Variants in SPINK9 observed in about 807,000 individuals in gnomAD.
The protein encoded by SPINK9 is serine protease inhibitor Kazal-type 9.
In SPINK9, 3 loss-of-function variants were observed where a neutral mutation model predicts 10.8. That is an observed-to-expected ratio of 0.28 (90% CI 0.13 to 0.72). SPINK9 has a LOEUF of 0.72. SPINK9 is among the 30% of genes least tolerant of loss of function. The pLI, the probability that SPINK9 is intolerant of heterozygous loss-of-function variation, is 0.74. For synonymous variants in SPINK9, 30 were observed against 31.2 expected (o/e 0.96, Z 0.12); for missense variants, 101 against 103.2 (o/e 0.98, Z 0.09).
chr5:148,326,963 G>A (rs201425075), intron 2 of SPINK9, among the ~76,000 whole-genome samples: 33,985 of 151,086 alleles, frequency 0.22, 3,836 homozygotes, highest in Non-Finnish European at 0.25. Context: ...GAATAATGCC[G>A]CAATAAACAT....
At chr5:148,328,077 A>G (rs2113413773) in intron 2 of SPINK9, among the ~76,000 whole-genome samples, 1 of 152,152 alleles carries the variant, frequency 6.6e-6, no homozygotes, top group Non-Finnish European at 1.5e-5. Flanking sequence ...ATGGCATTGA[A>G]TCTATAAATT....
intron 1 of SPINK9, among the ~76,000 whole-genome samples, chr5:148,335,991 G>A (rs563420326): frequency 6.6e-6 from 1 of 152,070 alleles, no homozygotes; most frequent in Non-Finnish European, 1.5e-5. Context: ...ACAATCAATT[G>A]TTTGGCACCA....
Position 148,338,535 on chromosome 5 carries a change from A to ATG in SPINK9, c.147_148dup (p.Tyr50CysfsTer43). ...AGGACAACAGAGATTTTGTCATCAT[A>ATG]TGTATGATCCAATTTGTGGATCTGA... is the stretch of plus-strand genomic sequence containing the variant. On this transcript the variant is annotated frameshift_variant, in exon 3 of 4. Coordinates refer to ENST00000377906, the MANE Select transcript of SPINK9 (RefSeq NM_001040433.2). LOFTEE classifies it high-confidence loss of function. 1 of 1,610,312 alleles carries ATG rather than the reference A, an allele frequency of 6.2e-7. No homozygotes were observed. Among genetic ancestry groups the ATG allele is most frequent in the Non-Finnish European group, 8.5e-7 (1 of 1,177,730 alleles).
intron 2 of SPINK9, among the ~76,000 whole-genome samples, chr5:148,329,220 T>C (rs912037451): frequency 1.3e-5 from 2 of 152,220 alleles, no homozygotes; most frequent in African/African-American, 4.8e-5. Flanking sequence ...AACTTCTTCC[T>C]GGTTTAGTCT....
chr5:148,337,418 G>T (rs9784645), intron 2 of SPINK9, among the ~76,000 whole-genome samples: 43,603 of 151,996 alleles, frequency 0.29, 6,380 homozygotes, highest in East Asian at 0.41. Context: ...ATGAATGAAT[G>T]AATTAATTAA....
chr5:148,327,720 A>G (rs1480890164), intron 2 of SPINK9, among the ~76,000 whole-genome samples: 2 of 151,382 alleles, frequency 1.3e-5, no homozygotes, highest in African/African-American at 4.8e-5. Context: ...AGCTTTCTAC[A>G]TATGGCTAGC....
intron 2 of SPINK9, among the ~76,000 whole-genome samples, chr5:148,328,041 A>G (rs1185968931): frequency 1.2e-4 from 18 of 152,136 alleles, no homozygotes; most frequent in African/African-American, 3.9e-4. Context: ...AATTCTGTGA[A>G]GAAAGTCATT....
intron 2 of SPINK9, among the ~76,000 whole-genome samples, chr5:148,326,414 C>A (rs1221233635): frequency 2.6e-5 from 4 of 152,162 alleles, no homozygotes. Flanking sequence ...GAAACTGAAA[C>A]TGGTAGTCAA....
At chr5:148,335,782 T>C in intron 1 of SPINK9, 114 bp downstream of exon 1, 2 of 1,277,742 alleles carry the variant, frequency 1.6e-6, no homozygotes, top group Admixed American at 3.7e-5. Context: ...AGGGAAACTT[T>C]TTAAAATGAA....
At chr5:148,323,754 G>A (rs1414317415) in exon 2 of SPINK9, 3 of 697,786 alleles carry the variant, frequency 4.3e-6, no homozygotes, top group Non-Finnish European at 7.8e-6. Context: ...CATCTTTATG[G>A]TCTTTATGAA....
upstream of SPINK9, among the ~76,000 whole-genome samples, chr5:148,330,631 C>T (rs1260642944): frequency 6.6e-6 from 1 of 152,150 alleles, no homozygotes; most frequent in African/African-American, 2.4e-5. Flanking sequence ...CATGTTTTTG[C>T]AGTGGCTGGT....
upstream of SPINK9, among the ~76,000 whole-genome samples, chr5:148,331,116 C>A (rs1581187724): frequency 6.6e-6 from 1 of 152,178 alleles, no homozygotes; most frequent in South Asian, 2.1e-4. Flanking sequence ...GTCCAGCACT[C>A]CCCAGTGAGA....
In SPINK9 at chr5:148,338,536, T is replaced by G. The variant is rs1203005977; in HGVS notation, c.146T>G (p.Met49Arg). The change falls in exon 3 of 4, where the codon ATG becomes AGG. Residue 49 changes from methionine (M) to arginine (R), a missense_variant. By Grantham distance (91) the Met-to-Arg change is moderately conservative. Transcript: ENST00000377906. ...PPGQQRFCHH[M>R]YDPICGSDGK... Reference sequence around the variant, plus strand: ...GGACAACAGAGATTTTGTCATCATATGTATGATCCAATTTGTGGATCTGAT... The same window carrying G: ...GGACAACAGAGATTTTGTCATCATAGGTATGATCCAATTTGTGGATCTGAT... 8 of 1,610,066 alleles carry G rather than the reference T, an allele frequency of 5.0e-6. No homozygotes were observed. Among genetic ancestry groups the G allele is most frequent in the Non-Finnish European group, 6.8e-6 (8 of 1,177,622 alleles).
intron 1 of SPINK9, among the ~76,000 whole-genome samples, chr5:148,336,008 ATTC>A (rs1484432974): frequency 6.6e-6 from 1 of 152,184 alleles, no homozygotes; most frequent in African/African-American, 2.4e-5. Flanking sequence ...ACCATGGGCT[ATTC>A]TTCTATTATT....
At chr5:148,329,263 T>C (rs902518841) in intron 2 of SPINK9, among the ~76,000 whole-genome samples, 1 of 152,230 alleles carries the variant, frequency 6.6e-6, no homozygotes. Flanking sequence ...AATTTATCCC[T>C]GTCTTCTAGA....
chr5:148,333,086 C>A (rs1267610917), upstream of SPINK9, among the ~76,000 whole-genome samples: 1 of 152,142 alleles, frequency 6.6e-6, no homozygotes, highest in Non-Finnish European at 1.5e-5. Context: ...CTCATCTGGA[C>A]TAGTGATCTT....
At chr5:148,326,636 G>A (rs1039533016) in intron 2 of SPINK9, among the ~76,000 whole-genome samples, 1 of 152,052 alleles carries the variant, frequency 6.6e-6, no homozygotes, top group Non-Finnish European at 1.5e-5. Context: ...TTAGCATTAG[G>A]TATATCTCCT....
intron 2 of SPINK9, among the ~76,000 whole-genome samples, chr5:148,337,152 A>G (rs1166462322): frequency 6.6e-6 from 1 of 152,166 alleles, no homozygotes; most frequent in African/African-American, 2.4e-5. Context: ...GAGGATGTAA[A>G]GGATTACTGA....
intron 1 of SPINK9, among the ~76,000 whole-genome samples, chr5:148,336,193 T>C (rs1210899194): frequency 3.3e-5 from 5 of 152,154 alleles, no homozygotes; most frequent in African/African-American, 1.2e-4. Context: ...CATCGTGGCA[T>C]CTTTTCCATT....
Sources: gnomAD v4.1 joint callset for allele counts (sites outside exome capture counted in the v4.1 genomes callset) on GRCh38, gnomAD v4.1.1 for gene constraint, MANE v1.5 for transcripts, NCBI Gene and HGNC (gene_info 2026-07-23, HGNC 2026-07-21) for gene names.